The following RARB variants were observed in gnomAD, a reference collection of about 807,000 sequenced individuals.
RARB encodes the protein HBV-activated protein.
A neutral mutation model predicts 51.9 loss-of-function variants in RARB; 17 were observed. That is an observed-to-expected ratio of 0.33 (90% confidence interval 0.22 to 0.49). The LOEUF (loss-of-function observed/expected upper bound fraction) is 0.49, where lower values mean the gene tolerates loss of function less well. RARB is among the 20% of genes least tolerant of loss of function. The pLI, the probability that RARB is intolerant of heterozygous loss-of-function variation, is 0.99. For synonymous variants in RARB, 215 were observed against 195.4 expected (o/e 1.10, Z -0.84); for missense variants, 369 against 550.8 (o/e 0.67, Z 3.30).
intron 5 of RARB, among the ~76,000 whole-genome samples, chr3:25,422,436 A>G (rs1319969670): frequency 6.6e-6 from 1 of 152,202 alleles, no homozygotes; most frequent in Non-Finnish European, 1.5e-5. Context: ...TGCCATTGGC[A>G]TTTATTCTCA....
chr3:25,352,644 C>T (rs978184791), intron 5 of RARB, among the ~76,000 whole-genome samples: 1 of 152,200 alleles, frequency 6.6e-6, no homozygotes, highest in African/African-American at 2.4e-5. Context: ...GCTTATTGCT[C>T]ATTTTTCTCA....
intron 2 of RARB, among the ~76,000 whole-genome samples, chr3:25,002,742 CAT>C (rs944401340): frequency 1.1e-3 from 104 of 91,348 alleles, no homozygotes; most frequent in African/African-American, 4.2e-3. Context: ...ATATAAAAGA[CAT>C]ATTCTGTGTG....
chr3:25,386,839 A>G (rs999788122), intron 5 of RARB, among the ~76,000 whole-genome samples: 1 of 152,180 alleles, frequency 6.6e-6, no homozygotes, highest in East Asian at 1.9e-4. Flanking sequence ...TTATTGTTCA[A>G]GATGTGCTAG....
At chr3:25,072,010 A>C (rs73149157) in intron 3 of RARB, among the ~76,000 whole-genome samples, 2,391 of 152,326 alleles carry the variant, frequency 0.016, 66 homozygotes, top group East Asian at 0.062. Context: ...CACGTGAGGC[A>C]TAGACAGAAA....
chr3:24,902,740 A>G (rs1703635103), intron 2 of RARB, among the ~76,000 whole-genome samples: 1 of 152,160 alleles, frequency 6.6e-6, no homozygotes, highest in Non-Finnish European at 1.5e-5. Flanking sequence ...AATGGAAAAA[A>G]AATGTTTCAT....
At chr3:25,522,349 C>T (rs558350741) in intron 3 of RARB, among the ~76,000 whole-genome samples, 150 of 152,154 alleles carry the variant, frequency 9.9e-4, no homozygotes, top group African/African-American at 3.2e-3. Context: ...TTTCGGTAGG[C>T]GCAGGGGGCG....
intron 5 of RARB, among the ~76,000 whole-genome samples, chr3:25,422,139 G>T (rs753491264): frequency 9.2e-5 from 14 of 152,142 alleles, no homozygotes; most frequent in Admixed American, 9.2e-4. Flanking sequence ...AACAGTTTCT[G>T]TTCATACATA....
intron 4 of RARB, among the ~76,000 whole-genome samples, chr3:25,150,496 T>C (rs774487667): frequency 1.3e-5 from 2 of 152,190 alleles, no homozygotes; most frequent in Non-Finnish European, 2.9e-5. Context: ...TATAGACTTC[T>C]AAACATTCAG....
At chr3:25,131,629 T>C (rs1252005435) in intron 3 of RARB, among the ~76,000 whole-genome samples, 1 of 151,956 alleles carries the variant, frequency 6.6e-6, no homozygotes, top group East Asian at 1.9e-4. Flanking sequence ...AGGTTTAGAT[T>C]TCAGGAATCA....
intron 3 of RARB, among the ~76,000 whole-genome samples, chr3:25,553,090 T>G (rs920568790): frequency 6.6e-6 from 1 of 151,766 alleles, no homozygotes. Flanking sequence ...GCATGAGGAG[T>G]TAAAGTACTT....
intron 2 of RARB, among the ~76,000 whole-genome samples, chr3:25,466,396 A>G (rs887184441): frequency 2.0e-5 from 3 of 152,150 alleles, no homozygotes; most frequent in Admixed American, 1.3e-4. Context: ...GGGTTACTCC[A>G]TGTTGGTCAG....
intron 5 of RARB, among the ~76,000 whole-genome samples, chr3:25,265,375 T>A (rs538348475): frequency 6.6e-6 from 1 of 152,226 alleles, no homozygotes; most frequent in African/African-American, 2.4e-5. Flanking sequence ...CAAAAATATT[T>A]GTATCAATTG....
At chr3:25,338,015 T>G (rs1020576931) in intron 5 of RARB, among the ~76,000 whole-genome samples, 5 of 151,012 alleles carry the variant, frequency 3.3e-5, no homozygotes, top group African/African-American at 1.2e-4. Context: ...CACTATATCT[T>G]TCACTGAACC....
At chr3:25,408,928 G>T (rs1707487088) in intron 5 of RARB, among the ~76,000 whole-genome samples, 1 of 152,142 alleles carries the variant, frequency 6.6e-6, no homozygotes, top group South Asian at 2.1e-4. Context: ...CAGCTACTTG[G>T]GGGGCTGAGG....
chr3:25,508,648 C>T (rs866900464), intron 3 of RARB, among the ~76,000 whole-genome samples: 1 of 152,116 alleles, frequency 6.6e-6, no homozygotes, highest in South Asian at 2.1e-4. Context: ...AGATCCCAGC[C>T]TGTTACTTTG....
intron 5 of RARB, among the ~76,000 whole-genome samples, chr3:25,215,436 T>C (rs991871064): frequency 2.6e-5 from 4 of 152,178 alleles, no homozygotes; most frequent in African/African-American, 9.6e-5. Flanking sequence ...TCGTCTGACA[T>C]GTCCATCCAC....
chr3:25,077,551 T>C (rs1457270185), intron 3 of RARB, among the ~76,000 whole-genome samples: 1 of 152,206 alleles, frequency 6.6e-6, no homozygotes. Flanking sequence ...TAGTCAATGG[T>C]ACTAATATAT....
intron 5 of RARB, among the ~76,000 whole-genome samples, chr3:25,408,735 A>C (rs1165254983): frequency 6.6e-6 from 1 of 151,042 alleles, no homozygotes; most frequent in Non-Finnish European, 1.5e-5. Flanking sequence ...CATGGCACTT[A>C]AAAAAATAAT....
chr3:25,268,556 G>A (rs1703179768), intron 5 of RARB, among the ~76,000 whole-genome samples: 1 of 152,174 alleles, frequency 6.6e-6, no homozygotes, highest in Admixed American at 6.5e-5. Context: ...TTCAAGGAAT[G>A]GAAGAATTTA....
Sources: gnomAD v4.1 joint callset for allele counts (sites outside exome capture counted in the v4.1 genomes callset) on GRCh38, gnomAD v4.1.1 for gene constraint, MANE v1.5 for transcripts, NCBI Gene and HGNC (gene_info 2026-07-23, HGNC 2026-07-21) for gene names.